The following CALD1 variants were observed in gnomAD, a reference collection of about 807,000 sequenced individuals.
CALD1 encodes the protein caldesmon 1.
In CALD1, 33 loss-of-function variants were observed where a neutral mutation model predicts 99.9. The observed-to-expected ratio is 0.33, with a 90% CI of 0.25 to 0.44. CALD1 has a LOEUF of 0.44. CALD1 is among the 20% of genes least tolerant of loss of function. CALD1 has a pLI of 1.00. For missense variants in CALD1, 861 were observed against 962.1 expected (o/e 0.89, Z 1.39); for synonymous variants, 310 against 325.0 (o/e 0.95, Z 0.50).
At chr7:134,794,022 T>TGTA (rs1187927331) in intron 1 of CALD1, among the ~76,000 whole-genome samples, 4 of 152,180 alleles carry the variant, frequency 2.6e-5, no homozygotes, top group African/African-American at 9.7e-5. Context: ...GGACTGCAGC[T>TGTA]CACAGAGGCC....
At chr7:134,967,993 A>G (rs1808800758) in intron 14 of CALD1, among the ~76,000 whole-genome samples, 1 of 152,020 alleles carries the variant, frequency 6.6e-6, no homozygotes, top group South Asian at 2.1e-4. Flanking sequence ...CAAAAATACA[A>G]AAATTAGCCG....
At chr7:134,856,024 T>A (rs1264447992) in intron 2 of CALD1, among the ~76,000 whole-genome samples, 1 of 152,144 alleles carries the variant, frequency 6.6e-6, no homozygotes, top group African/African-American at 2.4e-5. Flanking sequence ...AAAGTATAGG[T>A]TTTTCAGCAA....
chr7:134,891,582 C>A, intron 3 of CALD1: 1 of 1,592,624 alleles, frequency 6.3e-7, no homozygotes, highest in South Asian at 1.1e-5. Context: ...GCCAGGTCTC[C>A]GTATCTCTCT....
At chr7:134,766,930 A>G (rs1796831707) in intron 1 of CALD1, among the ~76,000 whole-genome samples, 1 of 152,158 alleles carries the variant, frequency 6.6e-6, no homozygotes, top group South Asian at 2.1e-4. Flanking sequence ...TCATAAACTA[A>G]TCATTTGGAG....
intron 2 of CALD1, among the ~76,000 whole-genome samples, chr7:134,847,902 A>G (rs945783143): frequency 3.9e-5 from 6 of 152,204 alleles, no homozygotes; most frequent in Non-Finnish European, 7.3e-5. Flanking sequence ...TGATTGTGCT[A>G]TTTAGCTTTG....
At chr7:134,882,213 G>A (rs946647268) in intron 3 of CALD1, among the ~76,000 whole-genome samples, 2 of 152,148 alleles carry the variant, frequency 1.3e-5, no homozygotes, top group African/African-American at 4.8e-5. Flanking sequence ...AGTGACACTC[G>A]TTGTGTCTTC....
intron 1 of CALD1, among the ~76,000 whole-genome samples, chr7:134,769,866 G>A (rs1036084156): frequency 6.6e-6 from 1 of 152,202 alleles, no homozygotes; most frequent in Non-Finnish European, 1.5e-5. Flanking sequence ...TTGAACTCCT[G>A]ACCTCAGGTG....
chr7:134,847,690 A>G (rs1244191720), intron 2 of CALD1, among the ~76,000 whole-genome samples: 1 of 152,154 alleles, frequency 6.6e-6, no homozygotes, highest in Non-Finnish European at 1.5e-5. Context: ...CGGCCAGGGA[A>G]TTGCACCTGG....
chr7:134,856,109 A>T (rs1026847360), intron 2 of CALD1, among the ~76,000 whole-genome samples: 1 of 152,206 alleles, frequency 6.6e-6, no homozygotes, highest in Admixed American at 6.5e-5. Context: ...TGCCATTTCA[A>T]GCTGGTTGTC....
At chr7:134,729,954 T>C in the CALD1 span, among the ~76,000 whole-genome samples, 2 of 152,198 alleles carry the variant, frequency 1.3e-5, no homozygotes, top group Non-Finnish European at 2.9e-5. Flanking sequence ...TGGTGGGCTC[T>C]GTGGACCCGG....
At chr7:134,875,623 G>A (rs1227608332) in intron 3 of CALD1, among the ~76,000 whole-genome samples, 1 of 152,190 alleles carries the variant, frequency 6.6e-6, no homozygotes, top group Non-Finnish European at 1.5e-5. Context: ...GGCAACAAGA[G>A]CGAATGCTTT....
chr7:134,876,726 T>A (rs1172540489), intron 3 of CALD1, among the ~76,000 whole-genome samples: 1 of 152,236 alleles, frequency 6.6e-6, no homozygotes, highest in African/African-American at 2.4e-5. Flanking sequence ...CAAACAAAGC[T>A]TAATTTTGAA....
the CALD1 span, among the ~76,000 whole-genome samples, chr7:134,730,320 C>A: frequency 6.6e-6 from 1 of 151,706 alleles, no homozygotes; most frequent in Non-Finnish European, 1.5e-5. Context: ...TAAAGAGAAC[C>A]GAAAGAAACA....
the CALD1 span, among the ~76,000 whole-genome samples, chr7:134,729,943 A>G: frequency 6.6e-6 from 1 of 152,180 alleles, no homozygotes; most frequent in East Asian, 1.9e-4. Flanking sequence ...ATGCTCCTGG[A>G]TGGTGGGCTC....
intron 1 of CALD1, among the ~76,000 whole-genome samples, chr7:134,765,308 C>T (rs10237931): frequency 0.027 from 4,031 of 147,910 alleles, 200 homozygotes; most frequent in African/African-American, 0.095. Flanking sequence ...AGCAAGACTC[C>T]GTCTCGGAAA....
rs10237503 is a variant in CALD1, at chr7:134,761,836, T to C, written c.-130+17473T>C. ...CAACCCGTTGGATGAAAAATGCCAA[T>C]AGACATTTACCATTATTTGTATTAT... is the stretch of plus-strand genomic sequence containing the variant. On this transcript the variant is annotated intron_variant, in intron 1 of 13. Coordinates refer to the CALD1 transcript ENST00000417172. 1.5e-3 allele frequency among the ~76,000 whole-genome samples: 235 copies of C among 152,332 alleles called. 1 individual carries two copies. Among genetic ancestry groups the C allele is most frequent in the African/African-American group, 5.5e-3 (228 of 41,572 alleles).
At chr7:134,872,199 A>G (rs1432302646) in intron 3 of CALD1, among the ~76,000 whole-genome samples, 4 of 152,074 alleles carry the variant, frequency 2.6e-5, no homozygotes, top group Non-Finnish European at 1.5e-5. Context: ...TGTACTAAAA[A>G]TACAAAAAGT....
At chr7:134,946,133 G>T (rs1296238722) in intron 7 of CALD1, among the ~76,000 whole-genome samples, 1 of 152,016 alleles carries the variant, frequency 6.6e-6, no homozygotes, top group Non-Finnish European at 1.5e-5. Flanking sequence ...TGGACTACAT[G>T]CCTCCCTTTC....
intron 9 of CALD1, 29 bp from the exon 10 acceptor site, chr7:134,958,040 T>C: frequency 6.6e-7 from 1 of 1,519,278 alleles, no homozygotes; most frequent in Non-Finnish European, 9.1e-7. Flanking sequence ...GAAATATTAA[T>C]TGGGTTTATT....
Sources: gnomAD v4.1 joint callset for allele counts (sites outside exome capture counted in the v4.1 genomes callset) on GRCh38, gnomAD v4.1.1 for gene constraint, MANE v1.5 for transcripts, NCBI Gene and HGNC (gene_info 2026-07-23, HGNC 2026-07-21) for gene names.